The following SLC9A9 variants were observed in gnomAD, a reference collection of about 807,000 sequenced individuals.
SLC9A9 encodes the protein solute carrier family 9 member A9.
In SLC9A9, 62 loss-of-function variants were observed where a neutral mutation model predicts 77.8. The observed-to-expected ratio is 0.80, with a 90% CI of 0.65 to 0.98. The LOEUF is 0.98. Ranked by LOEUF, SLC9A9 falls within the 50% of genes least tolerant of loss-of-function variation. SLC9A9 has a pLI of 0.00. For missense variants in SLC9A9, 775 were observed against 774.9 expected, an observed-to-expected ratio of 1.00 and a Z score of 0.00; for synonymous variants, 320 against 283.5, an observed-to-expected ratio of 1.13 and a Z score of -1.29.
At chr3:143,326,515 T>TC (rs1028560303) in intron 14 of SLC9A9, among the ~76,000 whole-genome samples, 88 of 152,144 alleles carry the variant, frequency 5.8e-4, no homozygotes, top group African/African-American at 2.1e-3. Context: ...TGCACTCAGC[T>TC]CCCCTCTACA....
chr3:143,559,100 G>T (rs1178648516), intron 8 of SLC9A9, among the ~76,000 whole-genome samples: 1 of 152,114 alleles, frequency 6.6e-6, no homozygotes, highest in Non-Finnish European at 1.5e-5. Context: ...GAGAAGAGGT[G>T]CCTTCCGCTA....
chr3:143,766,220 G>T (rs946896946), intron 4 of SLC9A9, among the ~76,000 whole-genome samples: 1 of 152,220 alleles, frequency 6.6e-6, no homozygotes, highest in South Asian at 2.1e-4. Context: ...TTGGACAACA[G>T]TGAACTGTAG....
At chr3:143,461,112 T>A (rs1194725053) in intron 12 of SLC9A9, among the ~76,000 whole-genome samples, 1 of 152,202 alleles carries the variant, frequency 6.6e-6, no homozygotes, top group Admixed American at 6.5e-5. Flanking sequence ...TACAGCTTGA[T>A]GAAATGTTAC....
rs139468027 is a variant in SLC9A9 at position 143,392,712 on chromosome 3, C to T, written c.1470-10598G>A. Among the ~76,000 whole-genome samples, 656 of 152,216 alleles carry T rather than the reference C, an allele frequency of 4.3e-3. 4 individuals carry two copies. Among genetic ancestry groups the T allele is most frequent in the African/African-American group, 0.015 (616 of 41,548 alleles). ...TGCTGTATTCAGGAGACCCATCTCA[C>T]GTGCAGAGACACGCACAGGCTCAAA... On this transcript the variant is annotated intron_variant, in intron 12 of 15. Coordinates refer to ENST00000316549, the MANE Select transcript of SLC9A9 (RefSeq NM_173653.4).
intron 9 of SLC9A9, chr3:143,503,607 G>C: frequency 8.9e-6 from 4 of 447,552 alleles, no homozygotes; most frequent in South Asian, 6.5e-5. Context: ...TCCTGGTTCA[G>C]CTCAGGGATG....
At chr3:143,625,310 A>ATG (rs1381518726) in intron 6 of SLC9A9, among the ~76,000 whole-genome samples, 2 of 152,226 alleles carry the variant, frequency 1.3e-5, no homozygotes, top group Admixed American at 6.5e-5. Context: ...TTGCCAAGTC[A>ATG]ATCCTAAGCC....
intron 5 of SLC9A9, among the ~76,000 whole-genome samples, chr3:143,692,768 T>C (rs1201724207): frequency 6.6e-6 from 1 of 152,122 alleles, no homozygotes; most frequent in Non-Finnish European, 1.5e-5. Flanking sequence ...GAAGAATAAT[T>C]TTCTTGGGCC....
At chr3:143,642,313 T>G (rs555314100) in intron 6 of SLC9A9, among the ~76,000 whole-genome samples, 1 of 152,304 alleles carries the variant, frequency 6.6e-6, no homozygotes, top group Non-Finnish European at 1.5e-5. Flanking sequence ...CTTTTAAAAT[T>G]TCTTCTTTCT....
At chr3:143,415,016 T>C (rs1461215462) in intron 12 of SLC9A9, among the ~76,000 whole-genome samples, 3 of 152,218 alleles carry the variant, frequency 2.0e-5, no homozygotes, top group African/African-American at 7.2e-5. Context: ...CAGGAAGTTT[T>C]AGCCATCTGG....
rs186347162 is a variant in SLC9A9 at position 143,550,425 on chromosome 3, G to A, written c.1089+1937C>T. On this transcript the variant is annotated intron_variant, in intron 9 of 15. Transcript: ENST00000316549. The stretch of plus-strand genomic sequence containing the variant: ...TAACTTTGCAGTGATCTCCCACTGT[G>A]GTCAGGGATCAGCTTGGCCTCTGGA... Among the ~76,000 whole-genome samples the A allele has an allele frequency of 2.0e-3, 308 of 152,202 alleles. 2 individuals are homozygous for A. The highest frequency in any genetic ancestry group is 2.1e-3 in the South Asian group (10 of 4,822).
intron 8 of SLC9A9, among the ~76,000 whole-genome samples, chr3:143,568,524 A>G (rs2037207495): frequency 6.6e-6 from 1 of 152,166 alleles, no homozygotes; most frequent in East Asian, 1.9e-4. Flanking sequence ...GATTAATGCA[A>G]TTTATGAGAT....
At chr3:143,432,003 A>G (rs571575233) in intron 12 of SLC9A9, among the ~76,000 whole-genome samples, 69 of 152,184 alleles carry the variant, frequency 4.5e-4, no homozygotes, top group South Asian at 6.2e-4. Flanking sequence ...AATTCAAATC[A>G]CAGCCCAATC....
At chr3:143,426,420 C>A (rs1554671) in intron 12 of SLC9A9, among the ~76,000 whole-genome samples, 94,129 of 152,014 alleles carry the variant, frequency 0.62, 29,489 homozygotes, top group African/African-American at 0.71. Flanking sequence ...ATTTGGATTT[C>A]TAAGAAACAT....
chr3:143,437,484 G>C (rs1315981440), intron 12 of SLC9A9, among the ~76,000 whole-genome samples: 1 of 152,206 alleles, frequency 6.6e-6, no homozygotes, highest in East Asian at 1.9e-4. Context: ...GACTATTACT[G>C]CGTCCTGCTT....
intron 12 of SLC9A9, among the ~76,000 whole-genome samples, chr3:143,452,503 T>TAAAAAAAAAAAA (rs58038873): frequency 5.5e-5 from 6 of 108,862 alleles, no homozygotes; most frequent in Non-Finnish European, 7.7e-5. Flanking sequence ...TTAAAAAGAC[T>TAAAAAAAAAAAA]AAAAAAAAAA....
At chr3:143,473,197 G>A (rs2035409405) in intron 11 of SLC9A9, among the ~76,000 whole-genome samples, 1 of 152,070 alleles carries the variant, frequency 6.6e-6, no homozygotes, top group African/African-American at 2.4e-5. Flanking sequence ...CCTGTGCCCC[G>A]AACCACTCTC....
intron 1 of SLC9A9, among the ~76,000 whole-genome samples, chr3:143,838,959 T>C (rs1226970365): frequency 6.6e-6 from 1 of 152,258 alleles, no homozygotes; most frequent in Non-Finnish European, 1.5e-5. Context: ...AAGTCTCTTT[T>C]AGAACATGAA....
chr3:143,495,919 G>A (rs1334036804), intron 9 of SLC9A9, among the ~76,000 whole-genome samples: 1 of 152,104 alleles, frequency 6.6e-6, no homozygotes, highest in African/African-American at 2.4e-5. Context: ...GCAGGCAGGA[G>A]GGACAAAGTT....
chr3:143,356,996 C>G (rs1284916958), intron 14 of SLC9A9, among the ~76,000 whole-genome samples: 1 of 152,054 alleles, frequency 6.6e-6, no homozygotes, highest in Non-Finnish European at 1.5e-5. Context: ...GCATTGCAGC[C>G]CAATGCAAGC....
Sources: allele counts gnomAD v4.1 joint callset (sites outside exome capture counted in the v4.1 genomes callset), GRCh38; gene constraint gnomAD v4.1.1; transcripts MANE v1.5; gene names NCBI Gene and HGNC (gene_info 2026-07-23, HGNC 2026-07-21).